Variants in NAV2 observed in about 807,000 individuals in gnomAD.
NAV2 encodes neuron navigator 2, also known as helicase, APC down-regulated 1.
Under a neutral mutation model 223.2 loss-of-function variants are expected in NAV2, and 54 were observed. That is an observed-to-expected ratio of 0.24 (90% CI 0.19 to 0.30). The LOEUF is 0.30. Among genes scored for constraint, NAV2 ranks in the 10% least tolerant of loss-of-function variants. NAV2 has a pLI of 1.00. For missense variants in NAV2, 2,806 were observed against 3,147.5 expected (o/e 0.89, Z 2.60); for synonymous variants, 1,279 against 1,239.3 (o/e 1.03, Z -0.67).
intron 1 of NAV2, among the ~76,000 whole-genome samples, chr11:19,821,630 A>G (rs2059386629): frequency 4.2e-5 from 6 of 144,328 alleles, no homozygotes. Context: ...ACAGTCCTGC[A>G]ATGGTAACTC....
intron 3 of NAV2, among the ~76,000 whole-genome samples, chr11:19,859,358 C>A (rs2061561575): frequency 6.6e-6 from 1 of 150,456 alleles, no homozygotes; most frequent in Non-Finnish European, 1.5e-5. Flanking sequence ...GAGTATGCTG[C>A]CTTCAAGCTT....
chr11:19,945,115 CTCTTTCTTTCTT>C (rs201727696), intron 8 of NAV2, among the ~76,000 whole-genome samples: 1 of 129,420 alleles, frequency 7.7e-6, no homozygotes, highest in Non-Finnish European at 1.6e-5. Flanking sequence ...TTCTTTTTTT[CTCTTTCTTTCTT>C]TCTTTCTTTC....
chr11:19,625,364 G>A (rs944670911), intron 1 of NAV2, among the ~76,000 whole-genome samples: 4 of 152,114 alleles, frequency 2.6e-5, no homozygotes, highest in Non-Finnish European at 5.9e-5. Context: ...TTCCATCCAT[G>A]TTGCTATGAA....
chr11:20,077,437 G>A, intron 22 of NAV2, 115 bp from the exon 23 acceptor site: 1 of 732,170 alleles, frequency 1.4e-6, no homozygotes, highest in Non-Finnish European at 2.3e-6. Flanking sequence ...AGAGGAGGCT[G>A]AAAAAGTAGC....
At chr11:19,410,054 A>G (rs1850074041) in intron 1 of NAV2, among the ~76,000 whole-genome samples, 2 of 152,142 alleles carry the variant, frequency 1.3e-5, no homozygotes, top group South Asian at 2.1e-4. Flanking sequence ...CAGGATGTCC[A>G]CAGCTTCTCC....
At chr11:19,539,050 A>G (rs1214866108) in intron 1 of NAV2, among the ~76,000 whole-genome samples, 1 of 152,344 alleles carries the variant, frequency 6.6e-6, no homozygotes, top group South Asian at 2.1e-4. Flanking sequence ...GTAATGCAAG[A>G]GCCCTCTGTC....
intron 2 of NAV2, among the ~76,000 whole-genome samples, chr11:19,842,044 G>A (rs1283981516): frequency 6.6e-6 from 1 of 152,108 alleles, no homozygotes; most frequent in East Asian, 1.9e-4. Context: ...ACGTATCTTT[G>A]CCTCCAAAGT....
At chr11:19,633,194 C>T (rs1040779586) in intron 1 of NAV2, among the ~76,000 whole-genome samples, 1 of 152,150 alleles carries the variant, frequency 6.6e-6, no homozygotes, top group African/African-American at 2.4e-5. Flanking sequence ...TCCTCCTAGC[C>T]ACATCCCAGG....
intron 1 of NAV2, among the ~76,000 whole-genome samples, chr11:19,737,978 G>A (rs1387834340): frequency 6.6e-6 from 1 of 152,244 alleles, no homozygotes; most frequent in Non-Finnish European, 1.5e-5. Flanking sequence ...TGGTTATGAT[G>A]TGAATTTCTG....
intron 1 of NAV2, among the ~76,000 whole-genome samples, chr11:19,474,084 T>C (rs1299423486): frequency 6.6e-6 from 1 of 152,186 alleles, no homozygotes; most frequent in Non-Finnish European, 1.5e-5. Context: ...TCTTCATTGC[T>C]CTGTGCCAGA....
chr11:20,060,031 A>C lies in NAV2; in HGVS notation c.4832-2276A>C, dbSNP rs78358563. Among the ~76,000 whole-genome samples, 594 of 152,330 alleles carry C rather than the reference A, an allele frequency of 3.9e-3. 5 individuals carry two copies. Among genetic ancestry groups the C allele is most frequent in the African/African-American group, 0.013 (553 of 41,574 alleles). On this transcript the variant is annotated intron_variant, in intron 19 of 37. Coordinates refer to ENST00000349880, the MANE Select transcript of NAV2 (RefSeq NM_145117.5). ...CACAGCCTTGCTGTTGCTATTTACA[A>C]AGTGAGAGGAGTTAATTATTGAGAA...
chr11:19,457,678 C>T (rs1035860296), intron 1 of NAV2, among the ~76,000 whole-genome samples: 3 of 152,102 alleles, frequency 2.0e-5, no homozygotes, highest in Non-Finnish European at 4.4e-5. Context: ...GAGAGGAGAA[C>T]AGGAAGGCCA....
chr11:19,643,476 C>T (rs548271369), intron 1 of NAV2, among the ~76,000 whole-genome samples: 1 of 152,128 alleles, frequency 6.6e-6, no homozygotes, highest in South Asian at 2.1e-4. Context: ...CATCCGTGTC[C>T]CCACAAAGGA....
chr11:20,026,350 A>C (rs1455939497), intron 11 of NAV2, among the ~76,000 whole-genome samples: 1 of 151,784 alleles, frequency 6.6e-6, no homozygotes, highest in Non-Finnish European at 1.5e-5. Flanking sequence ...TCACTCTGTC[A>C]CCCAGGCTGG....
At chr11:19,797,939 G>A (rs960977871) in intron 1 of NAV2, among the ~76,000 whole-genome samples, 1 of 152,120 alleles carries the variant, frequency 6.6e-6, no homozygotes, top group Non-Finnish European at 1.5e-5. Context: ...TCAGCTTGTT[G>A]GGATCTGTAG....
At chr11:19,473,711 C>T (rs1357537121) in intron 1 of NAV2, among the ~76,000 whole-genome samples, 3 of 151,942 alleles carry the variant, frequency 2.0e-5, no homozygotes, top group African/African-American at 7.3e-5. Context: ...GTGCCTCACC[C>T]AGGTCCCCTC....
At chr11:20,102,830 T>C (rs1218438892) in intron 32 of NAV2, among the ~76,000 whole-genome samples, 1 of 152,148 alleles carries the variant, frequency 6.6e-6, no homozygotes, top group African/African-American at 2.4e-5. Flanking sequence ...CCAAGCCCGG[T>C]GCATATAGAC....
chr11:20,074,251 GTTTC>G (rs1401185927), intron 22 of NAV2, among the ~76,000 whole-genome samples: 2 of 152,178 alleles, frequency 1.3e-5, no homozygotes, highest in Admixed American at 1.3e-4. Context: ...TTTTGAGTGA[GTTTC>G]TTATTCATGA....
At chr11:19,877,285 T>C (rs2062897096) in intron 4 of NAV2, among the ~76,000 whole-genome samples, 1 of 152,046 alleles carries the variant, frequency 6.6e-6, no homozygotes, top group Non-Finnish European at 1.5e-5. Flanking sequence ...TAGCTCTTAT[T>C]GTTATAAACT....
Sources: allele counts gnomAD v4.1 joint callset (sites outside exome capture counted in the v4.1 genomes callset), GRCh38; gene constraint gnomAD v4.1.1; transcripts MANE v1.5; gene names NCBI Gene and HGNC (gene_info 2026-07-23, HGNC 2026-07-21).